SRBD1: variants seen among roughly 807,000 people sequenced by gnomAD.
SRBD1 encodes the protein S1 RNA binding domain 1.
SRBD1 carries 88 observed loss-of-function variants against 115.3 expected under a neutral mutation model. The observed-to-expected ratio is 0.76, with a 90% CI of 0.64 to 0.91. The LOEUF is 0.91. SRBD1 is among the 40% of genes least tolerant of loss of function. The pLI, the probability that SRBD1 is intolerant of heterozygous loss-of-function variation, is 0.00. For missense variants in SRBD1, 1,385 were observed against 1,177.4 expected (o/e 1.18, Z -2.58); for synonymous variants, 509 against 407.7 (o/e 1.25, Z -2.99).
At chr2:45,423,400 C>T (rs765031901) in intron 16 of SRBD1, among the ~76,000 whole-genome samples, 1 of 152,070 alleles carries the variant, frequency 6.6e-6, no homozygotes, top group Non-Finnish European at 1.5e-5. Flanking sequence ...TGTGTTTACA[C>T]AATGCAAAAA....
intron 8 of SRBD1, among the ~76,000 whole-genome samples, chr2:45,574,251 G>A (rs966698007): frequency 4.6e-5 from 7 of 152,068 alleles, no homozygotes; most frequent in South Asian, 2.1e-4. Context: ...CACCAGAAAC[G>A]AGATACTATA....
At chr2:45,546,183 G>C in intron 14 of SRBD1, 1 of 985,440 alleles carries the variant, frequency 1.0e-6, no homozygotes, top group Non-Finnish European at 1.2e-6. Flanking sequence ...GCAGGGGCAA[G>C]ACTAGAGAAA....
chr2:45,610,924 T>C (rs1250942884), intron 1 of SRBD1, among the ~76,000 whole-genome samples: 1 of 115,492 alleles, frequency 8.7e-6, no homozygotes, highest in Non-Finnish European at 1.7e-5. Flanking sequence ...GGAGACTCCG[T>C]CTCAAAAAAA....
intron 4 of SRBD1, among the ~76,000 whole-genome samples, chr2:45,596,257 T>C (rs142054796): frequency 8.3e-4 from 126 of 152,310 alleles, no homozygotes; most frequent in Middle Eastern, 3.4e-3. Context: ...CATACACTTG[T>C]CCCTCCTCAT....
At chr2:45,517,063 A>C (rs915694395) in intron 14 of SRBD1, among the ~76,000 whole-genome samples, 1 of 152,242 alleles carries the variant, frequency 6.6e-6, no homozygotes, top group African/African-American at 2.4e-5. Context: ...TTATAGCAAA[A>C]AGTTAAAATA....
At chr2:45,571,516 C>CCAAAAAAAAAAAAAAAAAAA (rs1673009934) in intron 9 of SRBD1, among the ~76,000 whole-genome samples, 1 of 42,470 alleles carries the variant, frequency 2.4e-5, no homozygotes. Context: ...CCAGACTTTA[C>CCAAAAAAAAAAAAAAAAAAA]CAAAAAAAAA....
At chr2:45,574,576 C>T in intron 8 of SRBD1, 51 bp downstream of exon 8, 1 of 1,550,534 alleles carries the variant, frequency 6.4e-7, no homozygotes, top group South Asian at 1.2e-5. Context: ...CCGTGTGACC[C>T]TTAACAGCAT....
intron 9 of SRBD1, chr2:45,569,155 C>G (rs923924926): frequency 3.3e-5 from 5 of 152,198 alleles, no homozygotes; most frequent in South Asian, 2.1e-4. Flanking sequence ...TTTTTCACAT[C>G]TGTGTCATCT....
At chr2:45,594,990 T>A (rs1367698259) in intron 4 of SRBD1, among the ~76,000 whole-genome samples, 1 of 152,214 alleles carries the variant, frequency 6.6e-6, no homozygotes, top group Non-Finnish European at 1.5e-5. Flanking sequence ...AGGAAAGCAA[T>A]CCACTTTCTG....
At chr2:45,438,848 A>G (rs897131490) in intron 16 of SRBD1, among the ~76,000 whole-genome samples, 3 of 152,156 alleles carry the variant, frequency 2.0e-5, no homozygotes, top group African/African-American at 7.2e-5. Flanking sequence ...AATTTTTTCA[A>G]AAACATAACA....
intron 1 of SRBD1, among the ~76,000 whole-genome samples, chr2:45,606,701 A>G (rs1410497978): frequency 6.6e-6 from 1 of 152,256 alleles, no homozygotes; most frequent in Non-Finnish European, 1.5e-5. Flanking sequence ...GAGACATCAC[A>G]TAATACGGGA....
At chr2:45,547,171 A>G (rs1672147437) in intron 13 of SRBD1, among the ~76,000 whole-genome samples, 1 of 152,230 alleles carries the variant, frequency 6.6e-6, no homozygotes, top group African/African-American at 2.4e-5. Flanking sequence ...AGATATTATG[A>G]TTAAATTATA....
intron 10 of SRBD1, 75 bp downstream of exon 10, chr2:45,562,578 A>G (rs768603865): frequency 1.7e-6 from 2 of 1,167,962 alleles, no homozygotes; most frequent in Non-Finnish European, 2.4e-6. Context: ...ATCTTTACAT[A>G]TCAGTACATA....
At chr2:45,589,773 G>C (rs1221117278) in intron 4 of SRBD1, among the ~76,000 whole-genome samples, 4 of 152,156 alleles carry the variant, frequency 2.6e-5, no homozygotes, top group Non-Finnish European at 5.9e-5. Flanking sequence ...TATTGATTCA[G>C]TTGAACATTT....
At chr2:45,454,537 AATCTAAT>A (rs1400195967) in intron 16 of SRBD1, among the ~76,000 whole-genome samples, 14 of 151,862 alleles carry the variant, frequency 9.2e-5, no homozygotes, top group African/African-American at 3.1e-4. Flanking sequence ...ATAAAACATC[AATCTAAT>A]TGTCCAACAA....
At chr2:45,490,111 G>A (rs1244106971) in intron 14 of SRBD1, among the ~76,000 whole-genome samples, 1 of 152,028 alleles carries the variant, frequency 6.6e-6, no homozygotes, top group Non-Finnish European at 1.5e-5. Context: ...TTTACATTAC[G>A]CTTATCTTCT....
chr2:45,398,153 G>T (rs1351892710), intron 19 of SRBD1, among the ~76,000 whole-genome samples: 1 of 152,054 alleles, frequency 6.6e-6, no homozygotes. Flanking sequence ...TTACAGCTGA[G>T]ACCGTTTTTT....
At chr2:45,607,983 T>C (rs1317960613) in intron 1 of SRBD1, among the ~76,000 whole-genome samples, 1 of 152,146 alleles carries the variant, frequency 6.6e-6, no homozygotes, top group African/African-American at 2.4e-5. Context: ...AAGCTTCCCA[T>C]CAAACAACCC....
At chr2:45,488,751 A>G (rs1351380731) in intron 14 of SRBD1, among the ~76,000 whole-genome samples, 2 of 152,224 alleles carry the variant, frequency 1.3e-5, no homozygotes, top group African/African-American at 4.8e-5. Flanking sequence ...GGCACCTTGA[A>G]AAGCATATGG....
Sources: gnomAD v4.1 joint callset for allele counts (sites outside exome capture counted in the v4.1 genomes callset) on GRCh38, gnomAD v4.1.1 for gene constraint, MANE v1.5 for transcripts, NCBI Gene and HGNC (gene_info 2026-07-23, HGNC 2026-07-21) for gene names.